SH3BGR: variants seen among roughly 807,000 people sequenced by gnomAD.
SH3BGR encodes SH3 domain binding glutamate rich protein.
Under a neutral mutation model 24.5 loss-of-function variants are expected in SH3BGR, and 29 were observed. That is an observed-to-expected ratio of 1.18 (90% CI 0.88 to 1.61). SH3BGR has a LOEUF of 1.61. Ranked by LOEUF, SH3BGR falls within the 40% of genes most tolerant of loss-of-function variation. SH3BGR has a pLI of 0.00. For synonymous variants in SH3BGR, 55 were observed against 65.7 expected (o/e 0.84, Z 0.79); for missense variants, 162 against 205.8 (o/e 0.79, Z 1.30).
chr21:39,514,044 A>G (rs2078742131), intron 6 of SH3BGR, among the ~76,000 whole-genome samples: 1 of 152,172 alleles, frequency 6.6e-6, no homozygotes, highest in African/African-American at 2.4e-5. Context: ...GATGGGTTCT[A>G]GTTTGGAATC....
At chr21:39,453,713 G>C (rs1055755975) in intron 1 of SH3BGR, among the ~76,000 whole-genome samples, 1 of 152,194 alleles carries the variant, frequency 6.6e-6, no homozygotes, top group Non-Finnish European at 1.5e-5. Flanking sequence ...ACTTGTAACT[G>C]TATGACCTTG....
chr21:39,495,747 G>A (rs1488614604), intron 3 of SH3BGR, among the ~76,000 whole-genome samples: 1 of 152,106 alleles, frequency 6.6e-6, no homozygotes, highest in African/African-American at 2.4e-5. Flanking sequence ...CCTCCAGAGT[G>A]TTGGGATTAC....
intron 1 of SH3BGR, among the ~76,000 whole-genome samples, chr21:39,446,523 C>G (rs2077473207): frequency 6.6e-6 from 1 of 152,162 alleles, no homozygotes; most frequent in Non-Finnish European, 1.5e-5. Flanking sequence ...AAACTGCCTT[C>G]CAGTAAGTGT....
intron 3 of SH3BGR, among the ~76,000 whole-genome samples, chr21:39,490,933 A>G (rs2078289061): frequency 1.3e-5 from 2 of 151,984 alleles, no homozygotes; most frequent in Admixed American, 1.3e-4. Flanking sequence ...GGGTCCTACT[A>G]GTTGCCCAGG....
chr21:39,499,570 A>G (rs374507512), intron 3 of SH3BGR, among the ~76,000 whole-genome samples: 1 of 152,190 alleles, frequency 6.6e-6, no homozygotes, highest in South Asian at 2.1e-4. Flanking sequence ...AAGTGGGTGA[A>G]CTGAAACTCC....
At chr21:39,500,769 G>A (rs1380848129) in intron 4 of SH3BGR, among the ~76,000 whole-genome samples, 1 of 152,060 alleles carries the variant, frequency 6.6e-6, no homozygotes, top group African/African-American at 2.4e-5. Context: ...ATGAGAGCTG[G>A]ATCCTCATTC....
chr21:39,449,945 G>A (rs1602053831), upstream of SH3BGR, among the ~76,000 whole-genome samples: 1 of 152,126 alleles, frequency 6.6e-6, no homozygotes, highest in East Asian at 1.9e-4. Context: ...TCTCCCCAGG[G>A]TTTGCAGATG....
intron 3 of SH3BGR, among the ~76,000 whole-genome samples, chr21:39,478,148 T>A (rs941816818): frequency 6.6e-6 from 1 of 152,206 alleles, no homozygotes; most frequent in African/African-American, 2.4e-5. Flanking sequence ...ATTAAAAAAA[T>A]AACTTTTTTC....
At chr21:39,513,661 A>C (rs1346478114) in intron 6 of SH3BGR, among the ~76,000 whole-genome samples, 1 of 151,972 alleles carries the variant, frequency 6.6e-6, no homozygotes, top group African/African-American at 2.4e-5. Flanking sequence ...TTACAATTCC[A>C]TTTCTAAGGA....
At chr21:39,494,917 T>G (rs2078367721) in intron 3 of SH3BGR, among the ~76,000 whole-genome samples, 1 of 152,158 alleles carries the variant, frequency 6.6e-6, no homozygotes, top group Non-Finnish European at 1.5e-5. Context: ...GATCTTCATA[T>G]TGGATAATTT....
chr21:39,447,260 C>T (rs1055561000), upstream of SH3BGR, among the ~76,000 whole-genome samples: 2 of 151,874 alleles, frequency 1.3e-5, no homozygotes, highest in Non-Finnish European at 2.9e-5. Context: ...TTTGCCATTG[C>T]GGGAGCATCC....
intron 4 of SH3BGR, 107 bp downstream of exon 4, chr21:39,500,022 A>G: frequency 1.3e-6 from 1 of 796,540 alleles, no homozygotes; most frequent in South Asian, 1.5e-5. Flanking sequence ...GAAAGAGGGC[A>G]AGGAGCTGAG....
chr21:39,498,114 G>C (rs2078429968), intron 3 of SH3BGR, among the ~76,000 whole-genome samples: 1 of 152,202 alleles, frequency 6.6e-6, no homozygotes, highest in Non-Finnish European at 1.5e-5. Context: ...ATGGTACATT[G>C]AGCTAAAAAT....
intron 2 of SH3BGR, among the ~76,000 whole-genome samples, chr21:39,471,109 C>T (rs751064165): frequency 1.3e-5 from 2 of 152,108 alleles, no homozygotes; most frequent in Non-Finnish European, 2.9e-5. Flanking sequence ...TCTGTCCATT[C>T]TGTCTCCTTT....
At chr21:39,465,687 C>T (rs2077829819) in intron 2 of SH3BGR, among the ~76,000 whole-genome samples, 1 of 152,098 alleles carries the variant, frequency 6.6e-6, no homozygotes, top group African/African-American at 2.4e-5. Flanking sequence ...AACTCCTGAG[C>T]TCAAGCGATC....
At chr21:39,458,484 C>T (rs1169847688) in intron 1 of SH3BGR, among the ~76,000 whole-genome samples, 2 of 151,610 alleles carry the variant, frequency 1.3e-5, no homozygotes, top group South Asian at 2.1e-4. Flanking sequence ...ATTACAGATG[C>T]GTGCCACCAC....
chr21:39,456,428 G>T (rs982931611), intron 1 of SH3BGR, among the ~76,000 whole-genome samples: 1 of 152,230 alleles, frequency 6.6e-6, no homozygotes, highest in African/African-American at 2.4e-5. Context: ...GGTTGGAAAA[G>T]ATGTGTAGAG....
At chr21:39,497,237 A>G (rs2078411802) in intron 3 of SH3BGR, among the ~76,000 whole-genome samples, 1 of 151,008 alleles carries the variant, frequency 6.6e-6, no homozygotes, top group Admixed American at 6.6e-5. Context: ...CAATTTATAT[A>G]TATTATAGTA....
chr21:39,496,506 CAAAAAAAAAA>C lies in SH3BGR; in HGVS notation c.313-3303_313-3294del, dbSNP rs56909090. Among the ~76,000 whole-genome samples the C allele has an allele frequency of 2.7e-3, 277 of 103,044 alleles. 3 individuals carry two copies. Among genetic ancestry groups the C allele is most frequent in the African/African-American group, 0.01 (263 of 25,454 alleles). The allele number at this position is 103,044 out of a possible 152,430, so 67.6% of individuals were successfully genotyped here. A position where few individuals can be genotyped will look rare whatever the true frequency, so the allele number is the denominator to read the frequency against. ...TGGGCGACAGAGCGAGACTCCGTCT[CAAAAAAAAAA>C]AAAAAAAAAAAAATTATCTTTATTT... On this transcript the variant is annotated intron_variant, in intron 3 of 6. Transcript: ENST00000333634.
Sources: gnomAD v4.1 joint callset for allele counts (sites outside exome capture counted in the v4.1 genomes callset) on GRCh38, gnomAD v4.1.1 for gene constraint, MANE v1.5 for transcripts, NCBI Gene and HGNC (gene_info 2026-07-23, HGNC 2026-07-21) for gene names.